OLFM2: variants seen among roughly 807,000 people sequenced by gnomAD.
The protein encoded by OLFM2 is noelin-2.
OLFM2 carries 20 observed loss-of-function variants against 43.9 expected under a neutral mutation model. The ratio of observed to expected loss-of-function variants is 0.46; its 90% CI spans 0.32 to 0.66. OLFM2 has a LOEUF of 0.66. Ranked by LOEUF, OLFM2 falls within the 30% of genes least tolerant of loss-of-function variation. OLFM2 has a pLI of 0.04. For missense variants in OLFM2, 416 were observed against 643.6 expected (o/e 0.65, Z 3.83); for synonymous variants, 268 against 278.6 (o/e 0.96, Z 0.38).
At chr19:9,865,787 C>A (rs146264311) in intron 1 of OLFM2, among the ~76,000 whole-genome samples, 1 of 149,778 alleles carries the variant, frequency 6.7e-6, no homozygotes. Flanking sequence ...CCACCGTGCC[C>A]GGCCCTCCCT....
chr19:9,862,537 T>G (rs1352895087), intron 1 of OLFM2, among the ~76,000 whole-genome samples: 3 of 150,632 alleles, frequency 2.0e-5, no homozygotes, highest in Non-Finnish European at 3.0e-5. Context: ...AAAAATTAGC[T>G]GGATGTAGTG....
At chr19:9,866,089 A>G (rs924994079) in intron 1 of OLFM2, among the ~76,000 whole-genome samples, 6 of 152,194 alleles carry the variant, frequency 3.9e-5, no homozygotes, top group Non-Finnish European at 7.3e-5. Flanking sequence ...GAAGGCCTCC[A>G]TGGTTTTCCT....
rs73500931 is a variant in OLFM2, at chr19:9,894,806, A to C, written c.64-34012T>G. ...AGACTTAGCCTTGCATTTTCTCTTT[A>C]TCTTTCTCTAAGGAGTCTGACCCTT... On this transcript the variant is annotated intron_variant, in intron 1 of 5. Transcript: ENST00000264833. Among the ~76,000 whole-genome samples, 1,406 of 152,176 alleles carry C rather than the reference A, an allele frequency of 9.2e-3. 21 individuals are homozygous for C. Among genetic ancestry groups the C allele is most frequent in the African/African-American group, 0.033 (1,350 of 41,534 alleles).
intron 1 of OLFM2, among the ~76,000 whole-genome samples, chr19:9,887,368 G>A (rs926831486): frequency 3.7e-4 from 56 of 150,190 alleles, no homozygotes; most frequent in Non-Finnish European, 7.7e-4. Context: ...TAGTAGAGAT[G>A]AGGTTTCTCC....
Position 9,916,511 on chromosome 19 carries a change from G to C in OLFM2, c.63+19793C>G, listed in dbSNP as rs1328613766. On this transcript the variant is annotated intron_variant, in intron 1 of 5. Coordinates refer to ENST00000264833, the MANE Select transcript of OLFM2 (RefSeq NM_058164.4). ...TCCAGGTGAGGAAACTGAGCTCAGA[G>C]AGGAGAGGGACCCAGATCAGGGGAA... 5.3e-5 allele frequency among the ~76,000 whole-genome samples: 8 copies of C among 152,312 alleles called. No homozygotes were observed. The East Asian group carries it at 1.2e-3, about 22-fold the overall frequency.
chr19:9,933,762 G>A (rs1312236665), intron 1 of OLFM2, among the ~76,000 whole-genome samples: 1 of 151,794 alleles, frequency 6.6e-6, no homozygotes, highest in African/African-American at 2.4e-5. Context: ...TCACTATGTT[G>A]GCCAGGCTGG....
chr19:9,854,069 C>A lies in OLFM2; in HGVS notation c.*117G>T. On this transcript the variant is annotated 3_prime_UTR_variant, in exon 6 of 6. Coordinates refer to ENST00000264833, the MANE Select transcript of OLFM2 (RefSeq NM_058164.4). The surrounding 1 kb of genome is among the most constrained non-coding windows in gnomAD (Gnocchi z 9.5). ...AGAGAACAAAAGCCCAGCAAAAAGG[C>A]GGGGAGAAAGGGCGTGACAGAGACA... The A allele has an allele frequency of 1.1e-6, 1 of 883,834 alleles. No homozygotes were observed. Among genetic ancestry groups the A allele is most frequent in the Non-Finnish European group, 1.7e-6 (1 of 572,958 alleles). The allele number at this position is 883,834 out of a possible 1,614,324, so 54.7% of individuals were successfully genotyped here.
At chr19:9,872,958 G>T (rs184749027) in intron 1 of OLFM2, among the ~76,000 whole-genome samples, 3 of 152,030 alleles carry the variant, frequency 2.0e-5, no homozygotes, top group African/African-American at 7.2e-5. Flanking sequence ...TGTAGAGCTC[G>T]CTCTTCTTAG....
rs1391934812 is a variant in OLFM2, at chr19:9,928,954, C to T, written c.63+7350G>A. On this transcript the variant is annotated intron_variant, in intron 1 of 5. Coordinates refer to ENST00000264833, the MANE Select transcript of OLFM2 (RefSeq NM_058164.4). Reference sequence around the variant, plus strand: ...TTGCAAGACACACTGAGGTGGTGTGCACCTGTAATCCCAACTACTTGGGAG... The same window carrying T: ...TTGCAAGACACACTGAGGTGGTGTGTACCTGTAATCCCAACTACTTGGGAG... Among the ~76,000 whole-genome samples, 9 of 152,076 alleles carry T rather than the reference C, an allele frequency of 5.9e-5. 1 individual carries two copies. The South Asian group carries it at 1.0e-3, about 18-fold the overall frequency.
intron 1 of OLFM2, among the ~76,000 whole-genome samples, chr19:9,930,841 A>G (rs1281752133): frequency 1.3e-5 from 2 of 152,008 alleles, no homozygotes; most frequent in Non-Finnish European, 2.9e-5. Flanking sequence ...CGACACAGCA[A>G]GACTCTGTTT....
At chr19:9,915,104 C>G (rs1179668264) in intron 1 of OLFM2, among the ~76,000 whole-genome samples, 2 of 152,162 alleles carry the variant, frequency 1.3e-5, no homozygotes, top group East Asian at 3.9e-4. Flanking sequence ...GTGGTGGAGA[C>G]CTAACACGTG....
chr19:9,880,528 T>C (rs892451939), intron 1 of OLFM2, among the ~76,000 whole-genome samples: 2 of 151,986 alleles, frequency 1.3e-5, no homozygotes, highest in East Asian at 3.9e-4. Flanking sequence ...GACCAGGTGT[T>C]TGAGGTTGCA....
chr19:9,913,522 G>C (rs1031875359), intron 1 of OLFM2: 3 of 1,190,572 alleles, frequency 2.5e-6, no homozygotes, highest in Admixed American at 4.6e-5. Flanking sequence ...CGGTGCCGTT[G>C]AGCCCCACGA....
intron 1 of OLFM2, among the ~76,000 whole-genome samples, chr19:9,904,276 C>T (rs892246638): frequency 7.9e-5 from 12 of 151,378 alleles, no homozygotes; most frequent in Non-Finnish European, 1.3e-4. Flanking sequence ...ATGCAACCTC[C>T]GCCTCCCAGG....
At chr19:9,917,109 T>C (rs2046881412) in intron 1 of OLFM2, among the ~76,000 whole-genome samples, 1 of 152,180 alleles carries the variant, frequency 6.6e-6, no homozygotes, top group African/African-American at 2.4e-5. Flanking sequence ...CTCAGGACCT[T>C]TGAACTTCCT....
intron 1 of OLFM2, among the ~76,000 whole-genome samples, chr19:9,930,905 C>T (rs1364307223): frequency 1.3e-5 from 2 of 152,040 alleles, no homozygotes; most frequent in Non-Finnish European, 2.9e-5. Flanking sequence ...GCACCCGCGG[C>T]GAGTATCTCA....
chr19:9,936,025 A>C (rs1000489610), intron 1 of OLFM2, among the ~76,000 whole-genome samples: 15 of 151,158 alleles, frequency 9.9e-5, no homozygotes, highest in African/African-American at 3.7e-4. Context: ...CTCCAGCGAG[A>C]TGGCGGGGTG....
At chr19:9,912,358 T>G (rs1911593347) in intron 1 of OLFM2, among the ~76,000 whole-genome samples, 1 of 152,006 alleles carries the variant, frequency 6.6e-6, no homozygotes, top group Non-Finnish European at 1.5e-5. Flanking sequence ...AAATTCTTCT[T>G]TGCTCCCATC....
intron 1 of OLFM2, among the ~76,000 whole-genome samples, chr19:9,886,775 C>T (rs1011066188): frequency 6.6e-6 from 1 of 152,094 alleles, no homozygotes; most frequent in East Asian, 1.9e-4. Flanking sequence ...ACCTCTGCCT[C>T]CTGGGTCCAA....
Sources: gnomAD v4.1 joint callset for allele counts (sites outside exome capture counted in the v4.1 genomes callset) on GRCh38, gnomAD v4.1.1 for gene constraint, Gnocchi (gnomAD v3.1) non-coding constraint, MANE v1.5 for transcripts, NCBI Gene and HGNC (gene_info 2026-07-23, HGNC 2026-07-21) for gene names.